The following MCM6 variants were observed in gnomAD, a reference collection of about 807,000 sequenced individuals.
MCM6 encodes DNA replication licensing factor MCM6.
Under a neutral mutation model 94.3 loss-of-function variants are expected in MCM6, and 46 were observed. The ratio of observed to expected loss-of-function variants is 0.49; its 90% CI spans 0.39 to 0.62. MCM6 has a LOEUF of 0.62. Among genes scored for constraint, MCM6 ranks in the 20% least tolerant of loss-of-function variants. MCM6 has a pLI of 0.00. For missense variants in MCM6, 865 were observed against 1,017.9 expected, an observed-to-expected ratio of 0.85 and a Z score of 2.04; for synonymous variants, 335 against 351.9, an observed-to-expected ratio of 0.95 and a Z score of 0.54.
At position 135,857,892 on chromosome 2, in the gene MCM6, C is replaced by T; in HGVS notation, c.1470+5G>A. 1 of 1,609,610 alleles carries T rather than the reference C, an allele frequency of 6.2e-7. No homozygotes were observed. On this transcript the variant is annotated splice_donor_5th_base_variant and intron_variant, in intron 10 of 16. Coordinates refer to ENST00000264156, the MANE Select transcript of MCM6 (RefSeq NM_005915.6). The stretch of plus-strand genomic sequence containing the variant: ...TGCAGCAGAACAGAAGTAGATAACA[C>T]ATACCTTCACTCCTGCTTTAGTGAT...
At chr2:135,870,760 A>C (rs561737190) in intron 2 of MCM6, among the ~76,000 whole-genome samples, 2 of 152,136 alleles carry the variant, frequency 1.3e-5, no homozygotes, top group Non-Finnish European at 2.9e-5. Flanking sequence ...CTTTGGTTTC[A>C]TTCTGAGACA....
intron 4 of MCM6, among the ~76,000 whole-genome samples, chr2:135,867,994 T>C (rs958680908): frequency 3.3e-5 from 5 of 151,882 alleles, no homozygotes; most frequent in African/African-American, 4.8e-5. Flanking sequence ...GCCACTGCAC[T>C]CCAGCCTGGG....
At chr2:135,871,005 A>C (rs1407719780) in intron 2 of MCM6, among the ~76,000 whole-genome samples, 1 of 152,126 alleles carries the variant, frequency 6.6e-6, no homozygotes, top group South Asian at 2.1e-4. Flanking sequence ...TATCCACCTC[A>C]GCCTCCCAAA....
chr2:135,850,881 A>C (rs1470108540), intron 13 of MCM6, among the ~76,000 whole-genome samples: 1 of 152,216 alleles, frequency 6.6e-6, no homozygotes, highest in African/African-American at 2.4e-5. Context: ...AAACCTATTA[A>C]TAAAACTAGG....
intron 2 of MCM6, among the ~76,000 whole-genome samples, chr2:135,871,033 G>C (rs1680189711): frequency 6.6e-6 from 1 of 152,178 alleles, no homozygotes. Flanking sequence ...GATTACAGGT[G>C]TGAGCCACCA....
intron 13 of MCM6, 127 bp downstream of exon 13, chr2:135,851,275 T>TATGAGC: frequency 1.4e-6 from 1 of 695,472 alleles, no homozygotes; most frequent in Non-Finnish European, 2.3e-6. Context: ...TCCATGGTCG[T>TATGAGC]ATGAGCATTC....
In MCM6 at chr2:135,856,889, C is replaced by G; in HGVS notation, c.1471-6G>C. On this transcript the variant is annotated splice_region_variant and splice_polypyrimidine_tract_variant and intron_variant, in intron 10 of 16. Transcript: ENST00000264156. Reference sequence around the variant, plus strand: ...GTCCGGGCGTTCAGAGTAGCCTGACCACAAAAGAAAGAATCTTAACAGATT... The same window carrying G: ...GTCCGGGCGTTCAGAGTAGCCTGACGACAAAAGAAAGAATCTTAACAGATT... The G allele has an allele frequency of 2.5e-6, 4 of 1,606,214 alleles. No homozygotes were observed. Among genetic ancestry groups the G allele is most frequent in the Non-Finnish European group, 3.4e-6 (4 of 1,177,338 alleles).
chr2:135,867,377 C>CG (rs1318087862), intron 4 of MCM6, among the ~76,000 whole-genome samples: 3 of 151,876 alleles, frequency 2.0e-5, no homozygotes, highest in Non-Finnish European at 2.9e-5. Context: ...GTTCCCCCCC[C>CG]CAAACTAAGA....
At chr2:135,849,019 G>A (rs1017335873) in intron 13 of MCM6, among the ~76,000 whole-genome samples, 11 of 152,190 alleles carry the variant, frequency 7.2e-5, no homozygotes, top group African/African-American at 2.7e-4. Context: ...AAAAACATAT[G>A]AAGAAAAGTT....
In MCM6 at chr2:135,876,382, G is replaced by A. The variant is rs981784505; in HGVS notation, c.-17C>T. Reference sequence around the variant, plus strand: ...GAGGTCCATATTTGCTTAGTGCCGAGGATTCGCCTGCGCCACGCTCGACCG... The same window carrying A: ...GAGGTCCATATTTGCTTAGTGCCGAAGATTCGCCTGCGCCACGCTCGACCG... On this transcript the variant is annotated 5_prime_UTR_variant, in exon 1 of 17. Transcript: ENST00000264156. 5.0e-6 allele frequency: 8 copies of A among 1,585,142 alleles called. No homozygotes were observed. Among genetic ancestry groups the A allele is most frequent in the East Asian group, 2.3e-5 (1 of 44,062 alleles).
chr2:135,862,282 G>A (rs1575364839), intron 8 of MCM6, among the ~76,000 whole-genome samples: 2 of 13,948 alleles, frequency 1.4e-4, no homozygotes, highest in African/African-American at 3.0e-4. Flanking sequence ...AATAAAATTT[G>A]TATAAAATTT....
intron 11 of MCM6, 100 bp from the exon 12 acceptor site, chr2:135,853,015 A>G (rs1440090985): frequency 9.3e-7 from 1 of 1,069,552 alleles, no homozygotes; most frequent in Non-Finnish European, 1.3e-6. Flanking sequence ...ACAAGCTCTA[A>G]TATACCACTT....
At chr2:135,870,694 G>T (rs1680184397) in intron 2 of MCM6, among the ~76,000 whole-genome samples, 1 of 152,158 alleles carries the variant, frequency 6.6e-6, no homozygotes, top group Non-Finnish European at 1.5e-5. Flanking sequence ...TCAATACTGT[G>T]AATTTTCTGT....
intron 3 of MCM6, 150 bp downstream of exon 3, chr2:135,870,101 C>A: frequency 1.8e-6 from 1 of 541,498 alleles, no homozygotes. Context: ...GACAAGGAAA[C>A]TGAGGCTCAG....
intron 1 of MCM6, among the ~76,000 whole-genome samples, chr2:135,875,142 G>T (rs1336849954): frequency 6.6e-6 from 1 of 152,206 alleles, no homozygotes; most frequent in Non-Finnish European, 1.5e-5. Flanking sequence ...CAGGCGGGGG[G>T]ATCACCTGAG....
chr2:135,857,877 CA>C lies in MCM6; in HGVS notation c.1470+19del. The C allele has an allele frequency of 6.3e-7, 1 of 1,594,218 alleles. No individual in the cohort carries two copies. On this transcript the variant is annotated intron_variant, in intron 10 of 16. Transcript: ENST00000264156. ...CAAGGCTATGGACGATGCAGCAGAA[CA>C]GAAGTAGATAACACATACCTTCACT...
rs759832905 is a variant in MCM6 at position 135,868,758 on chromosome 2, A to G, written c.468T>C (p.Phe156=). ...PVHPELVSGT[F]LCLDCQTVIR... is the part of the protein sequence containing the mutation. ...TCACTGTCTGACAGTCCAAGCACAG[A>G]AAAGTTCCGCTCACAAGCTCTGGGT... is the stretch of plus-strand genomic sequence containing the variant. Residue 156 remains phenylalanine (F), a synonymous_variant, in exon 4 of 17, where the codon TTT becomes TTC. Coordinates refer to ENST00000264156, the MANE Select transcript of MCM6 (RefSeq NM_005915.6). 6.2e-7 allele frequency: 1 copy of G among 1,614,216 alleles called. No homozygotes were observed. Among genetic ancestry groups the G allele is most frequent in the Non-Finnish European group, 8.5e-7 (1 of 1,180,042 alleles).
intron 11 of MCM6, among the ~76,000 whole-genome samples, chr2:135,855,477 G>A (rs1425211623): frequency 6.6e-6 from 1 of 152,012 alleles, no homozygotes; most frequent in Admixed American, 6.5e-5. Context: ...ACCAACACGG[G>A]TCTTGAACTT....
chr2:135,852,728 C>T, intron 12 of MCM6, 59 bp downstream of exon 12: 5 of 1,210,446 alleles, frequency 4.1e-6, no homozygotes, highest in Non-Finnish European at 5.4e-6. Context: ...AACACACTTA[C>T]TTAAATTCCA....
Sources: gnomAD v4.1 joint callset for allele counts (sites outside exome capture counted in the v4.1 genomes callset) on GRCh38, gnomAD v4.1.1 for gene constraint, MANE v1.5 for transcripts, NCBI Gene and HGNC (gene_info 2026-07-23, HGNC 2026-07-21) for gene names.